Variants in ZFPM2 observed in about 807,000 individuals in gnomAD.
The protein encoded by ZFPM2 is zinc finger protein, FOG family member 2.
ZFPM2 carries 20 observed loss-of-function variants against 98.6 expected under a neutral mutation model. The observed-to-expected ratio is 0.20, with a 90% CI of 0.14 to 0.29. ZFPM2 has a LOEUF of 0.29. Among genes scored for constraint, ZFPM2 ranks in the 10% least tolerant of loss-of-function variants. ZFPM2 has a pLI of 1.00. For synonymous variants in ZFPM2, 518 were observed against 502.7 expected, an observed-to-expected ratio of 1.03 and a Z score of -0.41; for missense variants, 1,310 against 1,388.6, an observed-to-expected ratio of 0.94 and a Z score of 0.90.
chr8:105,538,575 G>C (rs572986555), intron 3 of ZFPM2, among the ~76,000 whole-genome samples: 1 of 151,986 alleles, frequency 6.6e-6, no homozygotes, highest in Non-Finnish European at 1.5e-5. Context: ...GGAGATACTT[G>C]AGACTGTCAC....
At chr8:105,478,719 C>T (rs1247893298) in intron 3 of ZFPM2, among the ~76,000 whole-genome samples, 5 of 152,176 alleles carry the variant, frequency 3.3e-5, no homozygotes, top group Non-Finnish European at 7.3e-5. Context: ...TTAATAAAGA[C>T]ATTTTTCATA....
chr8:105,539,632 A>G (rs1194095862), intron 3 of ZFPM2, among the ~76,000 whole-genome samples: 3 of 152,154 alleles, frequency 2.0e-5, no homozygotes, highest in Admixed American at 6.6e-5. Context: ...AGCAATTTAC[A>G]TGCACCTTTG....
At chr8:105,604,959 G>T (rs1055788491) in intron 4 of ZFPM2, among the ~76,000 whole-genome samples, 5 of 151,988 alleles carry the variant, frequency 3.3e-5, no homozygotes, top group Admixed American at 3.3e-4. Context: ...AATATTTGCT[G>T]AATGTATAAA....
chr8:105,795,095 G>A (rs868206630), intron 6 of ZFPM2, among the ~76,000 whole-genome samples: 2 of 152,158 alleles, frequency 1.3e-5, no homozygotes, highest in African/African-American at 4.8e-5. Context: ...CCACTGACCT[G>A]CGCCCACTGT....
At chr8:105,689,487 AT>A (rs540454658) in intron 5 of ZFPM2, among the ~76,000 whole-genome samples, 38 of 152,072 alleles carry the variant, frequency 2.5e-4, no homozygotes, top group Non-Finnish European at 4.4e-4. Flanking sequence ...TGCTATTCAG[AT>A]TTTTTTTGTT....
Position 105,548,378 on chromosome 8 carries a change from A to C in ZFPM2, c.302-12985A>C, listed in dbSNP as rs1814761644. Among the ~76,000 whole-genome samples the C allele has an allele frequency of 2.6e-5, 4 of 152,154 alleles. No homozygotes were observed. The South Asian group carries it at 8.3e-4, about 31-fold the overall frequency. ...GCAATTTAAAAGTCATTTTCCAATA[A>C]TTTTTAGACTATTTTGTCCAAAATT... On this transcript the variant is annotated intron_variant, in intron 3 of 7. Transcript: ENST00000407775.
intron 4 of ZFPM2, among the ~76,000 whole-genome samples, chr8:105,563,421 A>G (rs950373578): frequency 6.6e-6 from 1 of 152,178 alleles, no homozygotes; most frequent in Non-Finnish European, 1.5e-5. Flanking sequence ...TAAAAGGATG[A>G]AGTAGGGGTT....
rs535808632 is a variant in ZFPM2 at position 105,392,874 on chromosome 8, G to A, written c.41-26270G>A. On this transcript the variant is annotated intron_variant, in intron 1 of 7. Coordinates refer to ENST00000407775, the MANE Select transcript of ZFPM2 (RefSeq NM_012082.4). ...TCTTTTTGCTTTTTCAGTTCTTTTCGTGCTTATAGTGTCAGATAATAGGTT... is the reference window on the plus strand; with the variant it reads ...TCTTTTTGCTTTTTCAGTTCTTTTCATGCTTATAGTGTCAGATAATAGGTT... 4.3e-4 allele frequency among the ~76,000 whole-genome samples: 66 copies of A among 152,056 alleles called. 1 individual carries two copies. In the South Asian group the frequency reaches 8.3e-3, roughly 19 times the overall value.
intron 5 of ZFPM2, among the ~76,000 whole-genome samples, chr8:105,669,160 A>G (rs1817542247): frequency 6.6e-6 from 1 of 152,082 alleles, no homozygotes; most frequent in African/African-American, 2.4e-5. Context: ...AATTACTGGG[A>G]AAACTTTGGA....
intron 4 of ZFPM2, among the ~76,000 whole-genome samples, chr8:105,561,702 G>T (rs1247250110): frequency 1.3e-5 from 2 of 152,142 alleles, no homozygotes; most frequent in Admixed American, 1.3e-4. Flanking sequence ...ATACTAAATT[G>T]TGGCTAGTAA....
intron 4 of ZFPM2, among the ~76,000 whole-genome samples, chr8:105,617,347 C>T (rs774181664): frequency 6.6e-6 from 1 of 152,140 alleles, no homozygotes; most frequent in Non-Finnish European, 1.5e-5. Context: ...CTTCTGCTGG[C>T]AGGTGAAACT....
chr8:105,521,700 C>T (rs866199484), intron 3 of ZFPM2, among the ~76,000 whole-genome samples: 3 of 152,074 alleles, frequency 2.0e-5, no homozygotes, highest in Non-Finnish European at 4.4e-5. Flanking sequence ...GCCTCAGCCT[C>T]CCGACTAGCT....
intron 1 of ZFPM2, among the ~76,000 whole-genome samples, chr8:105,402,832 T>C (rs1811367623): frequency 6.6e-6 from 1 of 152,100 alleles, no homozygotes; most frequent in African/African-American, 2.4e-5. Context: ...AGAACATCTT[T>C]TAATAAAGTC....
chr8:105,579,753 C>G (rs370810460), intron 4 of ZFPM2, among the ~76,000 whole-genome samples: 2 of 152,116 alleles, frequency 1.3e-5, no homozygotes, highest in African/African-American at 4.8e-5. Flanking sequence ...TGTGAAGGAA[C>G]AAAAATCAGT....
At chr8:105,742,941 TA>T (rs1812254361) in intron 5 of ZFPM2, among the ~76,000 whole-genome samples, 2 of 152,094 alleles carry the variant, frequency 1.3e-5, no homozygotes, top group Admixed American at 1.3e-4. Context: ...CACCAAGAAT[TA>T]AATCAGGAGC....
chr8:105,735,615 A>C (rs539088060), intron 5 of ZFPM2, among the ~76,000 whole-genome samples: 1 of 151,870 alleles, frequency 6.6e-6, no homozygotes, highest in Non-Finnish European at 1.5e-5. Context: ...AGGTTTTTTG[A>C]ACAGACACAG....
intron 3 of ZFPM2, among the ~76,000 whole-genome samples, chr8:105,518,713 A>G (rs1813989037): frequency 6.6e-6 from 1 of 152,234 alleles, no homozygotes; most frequent in African/African-American, 2.4e-5. Context: ...TGAAGAGTGC[A>G]TACCTTTGAA....
chr8:105,718,386 A>G (rs1388041432), intron 5 of ZFPM2, among the ~76,000 whole-genome samples: 3 of 151,974 alleles, frequency 2.0e-5, no homozygotes, highest in African/African-American at 7.2e-5. Flanking sequence ...CCCCCAAAAA[A>G]TGAGAACTTT....
chr8:105,533,390 C>T (rs1198383316), intron 3 of ZFPM2, among the ~76,000 whole-genome samples: 2 of 152,056 alleles, frequency 1.3e-5, no homozygotes, highest in Non-Finnish European at 2.9e-5. Context: ...AGATAAGACA[C>T]TACATTTCTT....
Sources: allele counts gnomAD v4.1 joint callset (sites outside exome capture counted in the v4.1 genomes callset), GRCh38; gene constraint gnomAD v4.1.1; transcripts MANE v1.5; gene names NCBI Gene and HGNC (gene_info 2026-07-23, HGNC 2026-07-21).